Variants in HHLA1 observed in about 807,000 individuals in gnomAD.
HHLA1 encodes the protein HHLA1 neighbor of OC90.
HHLA1 carries 72 observed loss-of-function variants against 69.9 expected under a neutral mutation model. That is an observed-to-expected ratio of 1.03 (90% CI 0.85 to 1.25). The LOEUF is 1.25. Ranked by LOEUF, HHLA1 falls within the 50% of genes most tolerant of loss-of-function variation. The pLI is 0.00. For synonymous variants in HHLA1, 252 were observed against 233.2 expected (o/e 1.08, Z -0.73); for missense variants, 685 against 642.2 (o/e 1.07, Z -0.72).
chr8:132,076,586 G>T, intron 12 of HHLA1, 43 bp from the exon 13 acceptor site: 1 of 1,331,888 alleles, frequency 7.5e-7, no homozygotes, highest in South Asian at 1.6e-5. Flanking sequence ...TCTCTTCTAG[G>T]GGGCCCTGAG....
chr8:132,063,916 A>C lies in HHLA1; in HGVS notation c.*79T>G. 3.1e-6 allele frequency: 2 copies of C among 641,068 alleles called. No homozygotes were observed. Among genetic ancestry groups the C allele is most frequent in the Admixed American group, 3.4e-5 (1 of 29,486 alleles). 39.7% of individuals were successfully genotyped at this position (641,068 alleles called of 1,614,324 possible). A position where few individuals can be genotyped will look rare whatever the true frequency, so the allele number is the denominator to read the frequency against. ...GAGCCTGGGTGAATTCTTCAAATGT[A>C]GCCCACTTGGGACAAGAGCCAGGGT... On this transcript the variant is annotated 3_prime_UTR_variant, in exon 17 of 17. Coordinates refer to ENST00000414222, the MANE Select transcript of HHLA1 (RefSeq NM_001145095.3).
intron 10 of HHLA1, 39 bp downstream of exon 10, chr8:132,087,614 G>A: frequency 7.3e-7 from 1 of 1,378,018 alleles, no homozygotes; most frequent in Non-Finnish European, 1.0e-6. Flanking sequence ...ACCCTGGTCT[G>A]GAGAGTCTAT....
intron 16 of HHLA1, 127 bp downstream of exon 16, chr8:132,065,759 C>T (rs1421127747): frequency 7.5e-6 from 3 of 401,422 alleles, no homozygotes; most frequent in Non-Finnish European, 1.5e-5. Flanking sequence ...TGCTCTTTGT[C>T]CCAAATTAAT....
At chr8:132,089,837 C>T (rs1192964393) in intron 7 of HHLA1, among the ~76,000 whole-genome samples, 1 of 152,196 alleles carries the variant, frequency 6.6e-6, no homozygotes, top group African/African-American at 2.4e-5. Context: ...CTATCATCCT[C>T]TCTCCCAACC....
chr8:132,082,753 G>A lies in HHLA1; in HGVS notation c.677-2787C>T, dbSNP rs1437381267. 3.9e-5 allele frequency among the ~76,000 whole-genome samples: 6 copies of A among 152,204 alleles called. No homozygotes were observed. In the East Asian group the frequency reaches 1.2e-3, roughly 29 times the overall value. The stretch of plus-strand genomic sequence containing the variant: ...CACGGAATAGTGAGTTGTGGAGGAA[G>A]GTATTGAGGACAAAAGAGGGTACGG... On this transcript the variant is annotated intron_variant, in intron 10 of 16. Coordinates refer to ENST00000414222, the MANE Select transcript of HHLA1 (RefSeq NM_001145095.3).
chr8:132,080,384 G>A, intron 10 of HHLA1: 1 of 326,736 alleles, frequency 3.1e-6, no homozygotes, highest in Non-Finnish European at 5.9e-6. Context: ...GATTTGGGTA[G>A]GTAAAGGAAA....
chr8:132,079,639 T>A, intron 11 of HHLA1, 79 bp downstream of exon 11: 1 of 1,414,856 alleles, frequency 7.1e-7, no homozygotes, highest in South Asian at 1.5e-5. Flanking sequence ...AAGGTAAGGA[T>A]TTTGCTTATA....
At chr8:132,088,009 G>A (rs1013929966) in intron 8 of HHLA1, 108 bp from the exon 9 acceptor site, 9 of 817,182 alleles carry the variant, frequency 1.1e-5, no homozygotes, top group Non-Finnish European at 1.8e-5. Context: ...GATAATATAG[G>A]AAAATAAGCC....
At chr8:132,107,030 T>C (rs1331022851) in intron 1 of HHLA1, among the ~76,000 whole-genome samples, 2 of 152,212 alleles carry the variant, frequency 1.3e-5, no homozygotes, top group Non-Finnish European at 2.9e-5. Context: ...GTACAATCTC[T>C]GGAATATGGT....
chr8:132,086,305 G>A (rs1349831223), intron 10 of HHLA1, among the ~76,000 whole-genome samples: 2 of 152,102 alleles, frequency 1.3e-5, no homozygotes, highest in Non-Finnish European at 1.5e-5. Context: ...AGCCTGTGTT[G>A]GATTTTGGCC....
intron 10 of HHLA1, among the ~76,000 whole-genome samples, chr8:132,083,122 T>C (rs1309496309): frequency 1.4e-5 from 2 of 147,980 alleles, no homozygotes; most frequent in Admixed American, 6.7e-5. Context: ...AAGGAGGCTT[T>C]GGATTGGGAA....
intron 7 of HHLA1, among the ~76,000 whole-genome samples, chr8:132,092,529 A>C (rs1252428202): frequency 1.3e-5 from 2 of 152,180 alleles, no homozygotes; most frequent in Non-Finnish European, 2.9e-5. Context: ...TGCTGTTCTC[A>C]TGATAGTGAG....
chr8:132,090,387 G>C (rs942116898), intron 7 of HHLA1, among the ~76,000 whole-genome samples: 1 of 152,166 alleles, frequency 6.6e-6, no homozygotes, highest in Non-Finnish European at 1.5e-5. Flanking sequence ...TGTTTGAGGA[G>C]CCCCAGTCAT....
At position 132,087,758 on chromosome 8, in the gene HHLA1, C is replaced by A; in HGVS notation, c.590-19G>T. 6.5e-7 allele frequency: 1 copy of A among 1,547,418 alleles called. No homozygotes were observed. ...TTCCTTCCTGCAAAAATCACACCAA[C>A]AGGGTCAGATCTTGGGTTTCATCTG... is the stretch of plus-strand genomic sequence containing the variant. On this transcript the variant is annotated intron_variant, in intron 9 of 16. Coordinates refer to ENST00000414222, the MANE Select transcript of HHLA1 (RefSeq NM_001145095.3).
chr8:132,087,315 C>T (rs1823879470), intron 10 of HHLA1, among the ~76,000 whole-genome samples: 1 of 152,040 alleles, frequency 6.6e-6, no homozygotes, highest in Admixed American at 6.5e-5. Context: ...CAAATATCTA[C>T]AAAACCCAAG....
intron 10 of HHLA1, among the ~76,000 whole-genome samples, chr8:132,081,787 C>T (rs921444260): frequency 4.6e-5 from 7 of 152,028 alleles, no homozygotes; most frequent in South Asian, 2.1e-4. Context: ...TTCATGTGTA[C>T]GGAAGGGAGG....
At chr8:132,071,560 C>T in intron 14 of HHLA1, 67 bp from the exon 15 acceptor site, 6 of 1,449,012 alleles carry the variant, frequency 4.1e-6, no homozygotes, top group Non-Finnish European at 5.7e-6. Flanking sequence ...CTTCGTTAAG[C>T]CCTGCATCAG....
chr8:132,104,460 G>A (rs987069594), intron 2 of HHLA1, among the ~76,000 whole-genome samples: 1 of 152,210 alleles, frequency 6.6e-6, no homozygotes. Context: ...AGGGAACGGT[G>A]AGGGTGTGTA....
At position 132,100,026 on chromosome 8, in the gene HHLA1, T is replaced by C. The variant is rs796317744; in HGVS notation, c.199+49A>G. 4.1e-5 allele frequency: 58 copies of C among 1,424,332 alleles called. No homozygotes were observed. In the African/African-American group the frequency reaches 6.2e-4, roughly 15 times the overall value. 88.2% of individuals were successfully genotyped at this position (1,424,332 alleles called of 1,614,324 possible). On this transcript the variant is annotated intron_variant, in intron 4 of 16. Transcript: ENST00000414222. Reference sequence around the variant, plus strand: ...ACAGAGGTCTAGAGAAGTGGAGGAATTGCTCTGCAACCCAGACAACCCAAG... The same window carrying C: ...ACAGAGGTCTAGAGAAGTGGAGGAACTGCTCTGCAACCCAGACAACCCAAG...
Sources: allele counts gnomAD v4.1 joint callset (sites outside exome capture counted in the v4.1 genomes callset), GRCh38; gene constraint gnomAD v4.1.1; transcripts MANE v1.5; gene names NCBI Gene and HGNC (gene_info 2026-07-23, HGNC 2026-07-21).